SCHIP1: variants seen among roughly 807,000 people sequenced by gnomAD.
The protein encoded by SCHIP1 is schwannomin-interacting protein 1.
Under a neutral mutation model 29.7 loss-of-function variants are expected in SCHIP1, and 8 were observed. That is an observed-to-expected ratio of 0.27 (90% CI 0.16 to 0.49). SCHIP1 has a LOEUF of 0.49. Ranked by LOEUF, SCHIP1 falls within the 20% of genes least tolerant of loss-of-function variation. The pLI is 0.99. For synonymous variants in SCHIP1, 76 were observed against 94.9 expected, an observed-to-expected ratio of 0.80 and a Z score of 1.16; for missense variants, 193 against 294.6, an observed-to-expected ratio of 0.66 and a Z score of 2.52.
the SCHIP1 span, among the ~76,000 whole-genome samples, chr3:159,817,387 C>G: frequency 0.38 from 58,392 of 151,954 alleles, 11,919 homozygotes; most frequent in East Asian, 0.54. Context: ...AATGACTTCA[C>G]TGTGGTACAA....
the SCHIP1 span, among the ~76,000 whole-genome samples, chr3:159,811,496 G>A: frequency 6.6e-6 from 1 of 152,092 alleles, no homozygotes; most frequent in African/African-American, 2.4e-5. Context: ...TCATCTTTCT[G>A]CATGCAGATA....
chr3:159,394,989 C>G, the SCHIP1 span, among the ~76,000 whole-genome samples: 1 of 152,194 alleles, frequency 6.6e-6, no homozygotes. Context: ...TTCACAAATT[C>G]AGATCCTGTT....
the SCHIP1 span, among the ~76,000 whole-genome samples, chr3:159,707,865 C>T: frequency 6.6e-6 from 1 of 152,154 alleles, no homozygotes; most frequent in African/African-American, 2.4e-5. Flanking sequence ...TAGCTTCACC[C>T]CTTTACAGCA....
the SCHIP1 span, among the ~76,000 whole-genome samples, chr3:159,551,577 T>C: frequency 9.8e-5 from 15 of 152,316 alleles, no homozygotes; most frequent in Admixed American, 7.8e-4. Context: ...AATAATGAAC[T>C]GTATAATACT....
the SCHIP1 span, among the ~76,000 whole-genome samples, chr3:159,503,528 C>G: frequency 6.6e-6 from 1 of 152,140 alleles, no homozygotes; most frequent in African/African-American, 2.4e-5. Context: ...AGGAACCTGA[C>G]AGTAAAAGCC....
the SCHIP1 span, among the ~76,000 whole-genome samples, chr3:159,595,290 C>T: frequency 6.6e-6 from 1 of 152,138 alleles, no homozygotes; most frequent in Non-Finnish European, 1.5e-5. Flanking sequence ...GCAGGAGGGC[C>T]TATTTAACTG....
At chr3:159,462,085 C>T in the SCHIP1 span, among the ~76,000 whole-genome samples, 1 of 151,962 alleles carries the variant, frequency 6.6e-6, no homozygotes, top group Non-Finnish European at 1.5e-5. Context: ...TGGTGCGCAC[C>T]TGTAATCCTA....
At chr3:159,620,374 G>C in the SCHIP1 span, among the ~76,000 whole-genome samples, 4 of 152,298 alleles carry the variant, frequency 2.6e-5, no homozygotes, top group South Asian at 6.2e-4. Flanking sequence ...AGAACTCCAT[G>C]ATAGGCCATG....
chr3:159,605,048 G>A, the SCHIP1 span, among the ~76,000 whole-genome samples: 7 of 152,286 alleles, frequency 4.6e-5, no homozygotes, highest in South Asian at 4.2e-4. Flanking sequence ...ATCAAGGGAC[G>A]TGAGATGAAC....
At chr3:159,630,669 C>A in the SCHIP1 span, among the ~76,000 whole-genome samples, 3 of 129,618 alleles carry the variant, frequency 2.3e-5, no homozygotes, top group Admixed American at 2.1e-4. Flanking sequence ...TGGAGCTAAG[C>A]TATGAGGACA....
the SCHIP1 span, among the ~76,000 whole-genome samples, chr3:159,611,060 G>A: frequency 6.6e-6 from 1 of 152,066 alleles, no homozygotes; most frequent in African/African-American, 2.4e-5. Context: ...GAAGAAATAG[G>A]TTCAAGCAGT....
the SCHIP1 span, among the ~76,000 whole-genome samples, chr3:159,745,505 C>A: frequency 6.6e-6 from 1 of 152,332 alleles, no homozygotes; most frequent in East Asian, 1.9e-4. Context: ...ATTGGAATCT[C>A]TTTTAAATGT....
At chr3:159,491,959 C>G in the SCHIP1 span, among the ~76,000 whole-genome samples, 1 of 152,212 alleles carries the variant, frequency 6.6e-6, no homozygotes, top group Non-Finnish European at 1.5e-5. Flanking sequence ...CGCTGTTCTG[C>G]AGTCACCACT....
the SCHIP1 span, among the ~76,000 whole-genome samples, chr3:159,583,310 A>G: frequency 2.0e-5 from 3 of 152,158 alleles, no homozygotes; most frequent in Non-Finnish European, 4.4e-5. Flanking sequence ...CCCTATCACC[A>G]ATCTGACTTC....
At chr3:159,412,619 G>A in the SCHIP1 span, among the ~76,000 whole-genome samples, 3 of 152,146 alleles carry the variant, frequency 2.0e-5, no homozygotes, top group South Asian at 4.1e-4. Context: ...GCTTGAAAGG[G>A]ACCAATGAAT....
chr3:159,784,336 A>G, the SCHIP1 span, among the ~76,000 whole-genome samples: 6 of 152,150 alleles, frequency 3.9e-5, no homozygotes, highest in Non-Finnish European at 8.8e-5. Flanking sequence ...GAGCGAAGAC[A>G]TTTTTCAGTA....
chr3:159,693,998 A>G, the SCHIP1 span, among the ~76,000 whole-genome samples: 2 of 152,102 alleles, frequency 1.3e-5, no homozygotes, highest in African/African-American at 4.8e-5. Flanking sequence ...TGTGCTAGTA[A>G]ATTTAGGCCC....
the SCHIP1 span, among the ~76,000 whole-genome samples, chr3:159,460,207 T>C: frequency 6.6e-6 from 1 of 152,246 alleles, no homozygotes. Context: ...TCCCACTCTT[T>C]ACCATGCCTT....
At chr3:159,781,819 C>T in the SCHIP1 span, among the ~76,000 whole-genome samples, 4 of 152,124 alleles carry the variant, frequency 2.6e-5, no homozygotes, top group Admixed American at 1.3e-4. Flanking sequence ...TCATCCCTTC[C>T]CAGGACAGGG....
Sources: allele counts gnomAD v4.1 joint callset (sites outside exome capture counted in the v4.1 genomes callset), GRCh38; gene constraint gnomAD v4.1.1; transcripts MANE v1.5; gene names NCBI Gene and HGNC (gene_info 2026-07-23, HGNC 2026-07-21).